LTV1: variants seen among roughly 807,000 people sequenced by gnomAD.
The protein encoded by LTV1 is LTV1 ribosome biogenesis factor.
In LTV1, 39 loss-of-function variants were observed where a neutral mutation model predicts 59.9. The observed-to-expected ratio is 0.65, with a 90% CI of 0.50 to 0.85. LTV1 has a LOEUF of 0.85. Ranked by LOEUF, LTV1 falls within the 40% of genes least tolerant of loss-of-function variation. The pLI, the probability that LTV1 is intolerant of heterozygous loss-of-function variation, is 0.00. For synonymous variants in LTV1, 171 were observed against 189.5 expected, an observed-to-expected ratio of 0.90 and a Z score of 0.80; for missense variants, 493 against 549.1, an observed-to-expected ratio of 0.90 and a Z score of 1.02.
In LTV1 at chr6:143,857,621, C is replaced by A; in HGVS notation, c.540-131C>A. On this transcript the variant is annotated intron_variant, in intron 5 of 10. Transcript: ENST00000367576. The surrounding 1 kb of genome is among the most constrained non-coding windows in gnomAD (Gnocchi z 5.2). The stretch of plus-strand genomic sequence containing the variant: ...GCTTTTCCTACCAAACCAGATTGAT[C>A]AAACACCCTCACTCTTCCTGCCTAG... 8.8e-7 allele frequency: 1 copy of A among 1,136,912 alleles called. No homozygotes were observed. Among genetic ancestry groups the A allele is most frequent in the Admixed American group, 2.1e-5 (1 of 48,202 alleles). 70.4% of individuals were successfully genotyped at this position (1,136,912 alleles called of 1,614,324 possible).
At chr6:143,848,313 A>G (rs1230892749) in intron 3 of LTV1, among the ~76,000 whole-genome samples, 1 of 152,224 alleles carries the variant, frequency 6.6e-6, no homozygotes, top group African/African-American at 2.4e-5. Context: ...AAAAAACATT[A>G]AATTGTACAC....
chr6:143,862,035 A>T lies in LTV1; in HGVS notation c.924-69A>T. On this transcript the variant is annotated intron_variant, in intron 7 of 10. Transcript: ENST00000367576. The surrounding 1 kb of genome is among the most constrained non-coding windows in gnomAD (Gnocchi z 4.2). ...TTCCACAGCTAAAAATTGCAGTTTTAGTGACATAGTATAATAATAGGTCAT... is the reference window on the plus strand; with the variant it reads ...TTCCACAGCTAAAAATTGCAGTTTTTGTGACATAGTATAATAATAGGTCAT... 1 of 1,492,782 alleles carries T rather than the reference A, an allele frequency of 6.7e-7. No individual in the cohort carries two copies. Among genetic ancestry groups the T allele is most frequent in the Non-Finnish European group, 9.1e-7 (1 of 1,101,770 alleles). The allele number at this position is 1,492,782 out of a possible 1,614,324, so 92.5% of individuals were successfully genotyped here. A position where few individuals can be genotyped will look rare whatever the true frequency, so the allele number is the denominator to read the frequency against.
At chr6:143,845,373 A>G (rs1240049663) in intron 2 of LTV1, among the ~76,000 whole-genome samples, 6 of 152,144 alleles carry the variant, frequency 3.9e-5, no homozygotes, top group African/African-American at 1.4e-4. Flanking sequence ...TATAAATACA[A>G]GAAATTGTAC....
At chr6:143,851,027 G>C (rs1776972622) in intron 4 of LTV1, among the ~76,000 whole-genome samples, 2 of 152,086 alleles carry the variant, frequency 1.3e-5, no homozygotes, top group South Asian at 2.1e-4. Flanking sequence ...GGAAGAAGGA[G>C]GGGGAGGGGT....
At chr6:143,845,837 T>TGTTACGTA in intron 2 of LTV1, among the ~76,000 whole-genome samples, 1 of 152,380 alleles carries the variant, frequency 6.6e-6, no homozygotes. Context: ...TCCATTTTAA[T>TGTTACGTA]GTTACGTAGC....
chr6:143,859,903 A>G (rs1777135228), intron 6 of LTV1, among the ~76,000 whole-genome samples: 1 of 152,108 alleles, frequency 6.6e-6, no homozygotes, highest in African/African-American at 2.4e-5. Flanking sequence ...TAGGAGTTTG[A>G]GACTGTCTTG....
rs1777179803 is a variant in LTV1 at position 143,862,413 on chromosome 6, C to T, written c.1063+170C>T. Among the ~76,000 whole-genome samples, 1 of 151,972 alleles carries T rather than the reference C, an allele frequency of 6.6e-6. No individual in the cohort carries two copies. The highest frequency in any genetic ancestry group is 2.1e-4 in the South Asian group (1 of 4,820). ...CAGCCTGGCCAACATGGTGAAACCCCGTGTCTACTAAAAAATACAAAAATT... is the reference window on the plus strand; with the variant it reads ...CAGCCTGGCCAACATGGTGAAACCCTGTGTCTACTAAAAAATACAAAAATT... On this transcript the variant is annotated intron_variant, in intron 8 of 10. Transcript: ENST00000367576. The surrounding 1 kb of genome is among the most constrained non-coding windows in gnomAD (Gnocchi z 4.2).
chr6:143,850,808 G>T (rs1776969559), intron 4 of LTV1, among the ~76,000 whole-genome samples: 1 of 152,148 alleles, frequency 6.6e-6, no homozygotes, highest in African/African-American at 2.4e-5. Context: ...TGTCTGTGTG[G>T]CAGGGCCTTG....
intron 3 of LTV1, among the ~76,000 whole-genome samples, chr6:143,847,535 AT>A (rs1456068511): frequency 6.6e-6 from 1 of 152,010 alleles, no homozygotes; most frequent in African/African-American, 2.4e-5. Flanking sequence ...CTAATTTTGT[AT>A]TTTTAGTAGA....
chr6:143,857,960 A>T lies in LTV1; in HGVS notation c.748A>T (p.Met250Leu), dbSNP rs930313089. ...FTEYSMTSSVMRRNEQLTLHD... is the reference protein window; with the variant it reads ...FTEYSMTSSVLRRNEQLTLHD... The stretch of plus-strand genomic sequence containing the variant: ...GGAGTATTCGATGACTTCCTCAGTC[A>T]TGAGGAGAAATGAACAGCTGACCCT... The change falls in exon 6 of 11, where the codon ATG becomes TTG. Residue 250 changes from methionine to leucine, a missense_variant. Coordinates refer to ENST00000367576, the MANE Select transcript of LTV1 (RefSeq NM_032860.5). The surrounding 1 kb of genome is among the most constrained non-coding windows in gnomAD (Gnocchi z 5.2). The T allele has an allele frequency of 6.2e-6, 10 of 1,613,932 alleles. No homozygotes were observed. The highest frequency in any genetic ancestry group is 7.6e-6 in the Non-Finnish European group (9 of 1,179,796).
chr6:143,845,636 C>T lies in LTV1; in HGVS notation c.136-415C>T, dbSNP rs150887365. Among the ~76,000 whole-genome samples, 11 of 152,300 alleles carry T rather than the reference C, an allele frequency of 7.2e-5. No individual in the cohort carries two copies. In the East Asian group the frequency reaches 2.1e-3, roughly 29 times the overall value. ...CAAGTGATCCTCCTACCTCAGCATC[C>T]CAAAGTGCTGGGATTATAGGCATGA... On this transcript the variant is annotated intron_variant, in intron 2 of 10. Coordinates refer to ENST00000367576, the MANE Select transcript of LTV1 (RefSeq NM_032860.5).
intron 2 of LTV1, among the ~76,000 whole-genome samples, chr6:143,845,669 C>T (rs1029615526): frequency 1.3e-5 from 2 of 152,230 alleles, no homozygotes; most frequent in African/African-American, 4.8e-5. Flanking sequence ...TGAGCCACTG[C>T]ACCTGGCCCC....
chr6:143,850,284 T>C, intron 4 of LTV1, 66 bp downstream of exon 4: 1 of 1,260,760 alleles, frequency 7.9e-7, no homozygotes, highest in East Asian at 2.3e-5. Context: ...AGAAATGATG[T>C]AGGATTTTTC....
At chr6:143,859,007 C>T (rs1204475335) in intron 6 of LTV1, among the ~76,000 whole-genome samples, 1 of 151,642 alleles carries the variant, frequency 6.6e-6, no homozygotes, top group Non-Finnish European at 1.5e-5. Context: ...GCTGATCAAA[C>T]GTTCTTATTT....
Position 143,861,913 on chromosome 6 carries a change from A to G in LTV1, c.924-191A>G, listed in dbSNP as rs74321080. Among the ~76,000 whole-genome samples the G allele has an allele frequency of 6.4e-3, 979 of 152,294 alleles. 10 individuals carry two copies. Among genetic ancestry groups the G allele is most frequent in the African/African-American group, 0.022 (934 of 41,552 alleles). ...TTCCTATCAGCCGAGTGAATGTCCA[A>G]AACTCACTGGAGGGAAGAGGCAGGG... On this transcript the variant is annotated intron_variant, in intron 7 of 10. Coordinates refer to ENST00000367576, the MANE Select transcript of LTV1 (RefSeq NM_032860.5).
Position 143,857,958 on chromosome 6 carries a change from T to G in LTV1, c.746T>G (p.Val249Gly). The G allele has an allele frequency of 6.2e-7, 1 of 1,613,736 alleles. No individual in the cohort carries two copies. The highest frequency in any genetic ancestry group is 8.5e-7 in the Non-Finnish European group (1 of 1,179,752). The change falls in exon 6 of 11, where the codon GTC becomes GGC. Residue 249 changes from valine to glycine, a missense_variant. By Grantham distance (109) the Val-to-Gly change is moderately radical. Transcript: ENST00000367576. This position sits in a 1 kb window ranked among gnomAD's most constrained non-coding sequence, Gnocchi z 5.2. ...ACGGAGTATTCGATGACTTCCTCAG[T>G]CATGAGGAGAAATGAACAGCTGACC... ...RFTEYSMTSSVMRRNEQLTLH... is the reference protein window; with the variant it reads ...RFTEYSMTSSGMRRNEQLTLH...
Position 143,857,334 on chromosome 6 carries a change from T to G in LTV1, c.429T>G (p.Val143=). Residue 143 remains valine (V), a synonymous_variant, in exon 5 of 11, where the codon GTT becomes GTG. Coordinates refer to ENST00000367576, the MANE Select transcript of LTV1 (RefSeq NM_032860.5). The surrounding 1 kb of genome is among the most constrained non-coding windows in gnomAD (Gnocchi z 5.2). The part of the protein sequence containing the change: ...GPRLDFDPDI[V]AALDDDFDFD... ...GACTGGATTTTGATCCTGACATTGTTGCAGCTCTTGATGATGATTTTGACT... is the reference window on the plus strand; with the variant it reads ...GACTGGATTTTGATCCTGACATTGTGGCAGCTCTTGATGATGATTTTGACT... 6.2e-7 allele frequency: 1 copy of G among 1,613,884 alleles called. No homozygotes were observed. The highest frequency in any genetic ancestry group is 1.1e-5 in the South Asian group (1 of 91,084).
At chr6:143,847,940 A>G (rs10872563) in intron 3 of LTV1, among the ~76,000 whole-genome samples, 45,923 of 152,096 alleles carry the variant, frequency 0.3, 7,183 homozygotes, top group East Asian at 0.53. Flanking sequence ...CAGTGTAAAA[A>G]GGCAGTATAG....
In LTV1 at chr6:143,862,458, C is replaced by A. The variant is rs1436245329; in HGVS notation, c.1063+215C>A. Reference sequence around the variant, plus strand: ...AAAATTAGCCAGGTATGGTGGCAGGCAACTGTAATCCCAGCTGCTCGAGAG... The same window carrying A: ...AAAATTAGCCAGGTATGGTGGCAGGAAACTGTAATCCCAGCTGCTCGAGAG... On this transcript the variant is annotated intron_variant, in intron 8 of 10. Transcript: ENST00000367576. The surrounding 1 kb of genome is among the most constrained non-coding windows in gnomAD (Gnocchi z 4.2). Among the ~76,000 whole-genome samples the A allele has an allele frequency of 6.6e-6, 1 of 151,884 alleles. No individual in the cohort carries two copies. The highest frequency in any genetic ancestry group is 1.5e-5 in the Non-Finnish European group (1 of 67,992).
Sources: gnomAD v4.1 joint callset for allele counts (sites outside exome capture counted in the v4.1 genomes callset) on GRCh38, gnomAD v4.1.1 for gene constraint, Gnocchi (gnomAD v3.1) non-coding constraint, MANE v1.5 for transcripts, NCBI Gene and HGNC (gene_info 2026-07-23, HGNC 2026-07-21) for gene names.